The following TNXB variants were observed in gnomAD, a reference collection of about 807,000 sequenced individuals.
TNXB encodes tenascin-X.
TNXB carries 183 observed loss-of-function variants against 340.5 expected under a neutral mutation model. The ratio of observed to expected loss-of-function variants is 0.54; its 90% CI spans 0.48 to 0.61. The LOEUF (loss-of-function observed/expected upper bound fraction) is 0.61. Among genes scored for constraint, TNXB ranks in the 20% least tolerant of loss-of-function variants. TNXB has a pLI of 0.00. For synonymous variants in TNXB, 2,121 were observed against 2,314.5 expected, an observed-to-expected ratio of 0.92 and a Z score of 2.40; for missense variants, 4,613 against 5,446.4, an observed-to-expected ratio of 0.85 and a Z score of 4.82.
chr6:32,069,213 G>A lies in TNXB; in HGVS notation c.5588-77C>T. ...GACTCTCAGGAGGAGTGAGGGAGGA[G>A]AGGGAGTGAGGGCAAGCAGTCAGCA... is the stretch of plus-strand genomic sequence containing the variant. On this transcript the variant is annotated intron_variant, in intron 15 of 43. Transcript: ENST00000644971. The surrounding 1 kb of genome is among the most constrained non-coding windows in gnomAD (Gnocchi z 6.2). 1 of 1,391,460 alleles carries A rather than the reference G, an allele frequency of 7.2e-7. No homozygotes were observed. The highest frequency in any genetic ancestry group is 9.7e-7 in the Non-Finnish European group (1 of 1,033,104). 86.2% of individuals were successfully genotyped at this position (1,391,460 alleles called of 1,614,324 possible).
chr6:32,056,849 A>T lies in TNXB; in HGVS notation c.7880T>A (p.Ile2627Asn). 6.2e-7 allele frequency: 1 copy of T among 1,612,848 alleles called. No homozygotes were observed. The highest frequency in any genetic ancestry group is 8.5e-7 in the Non-Finnish European group (1 of 1,179,772). The stretch of plus-strand genomic sequence containing the variant: ...GGTCAGCTCCCCCAGGCGAGGCTTG[A>T]TGGGGGGCTCAGGGGTCATGGTAGG... ...AVPTMTPEPP[I>N]KPRLGELTMT... is the part of the protein sequence containing the mutation. The change falls in exon 23 of 44, where the codon ATC becomes AAC. Residue 2627 changes from isoleucine (I) to asparagine (N), a missense_variant. Coordinates refer to ENST00000644971, the MANE Select transcript of TNXB (RefSeq NM_001365276.2).
rs9281648 is a variant in TNXB at position 32,067,132 on chromosome 6, G to GAAGAAAGAAAGAAAGAAAGAAAGAAAGA, written c.6544+501_6544+528dup. ...AAGAAAGAGAAAGAAAGAAAGGAAG[G>GAAGAAAGAAAGAAAGAAAGAAAGAAAGA]AAGAAAGAAAGAAAGAAAGAAAGAA... On this transcript the variant is annotated intron_variant, in intron 18 of 43. Coordinates refer to ENST00000644971, the MANE Select transcript of TNXB (RefSeq NM_001365276.2). This position sits in a 1 kb window ranked among gnomAD's most constrained non-coding sequence, Gnocchi z 4.2. 2.9e-4 allele frequency among the ~76,000 whole-genome samples: 34 copies of GAAGAAAGAAAGAAAGAAAGAAAGAAAGA among 118,080 alleles called. No individual in the cohort carries two copies. The highest frequency in any genetic ancestry group is 1.2e-3 in the South Asian group (4 of 3,422). 77.5% of individuals were successfully genotyped at this position (118,080 alleles called of 152,430 possible).
Position 32,068,371 on chromosome 6 carries a change from G to T in TNXB, c.6220+19C>A. On this transcript the variant is annotated intron_variant, in intron 17 of 43. Coordinates refer to ENST00000644971, the MANE Select transcript of TNXB (RefSeq NM_001365276.2). This position sits in a 1 kb window ranked among gnomAD's most constrained non-coding sequence, Gnocchi z 5.3. ...ACCCTCCCATGGCTCCCACCCTGGG[G>T]CTCCCATCATCCACTCACCTGTCAC... 6.2e-7 allele frequency: 1 copy of T among 1,610,972 alleles called. No individual in the cohort carries two copies. Among genetic ancestry groups the T allele is most frequent in the East Asian group, 2.2e-5 (1 of 44,824 alleles).
Position 32,097,925 on chromosome 6 carries a change from CG to C in TNXB, c.273del (p.Glu92SerfsTer12). 2 of 1,590,502 alleles carry C rather than the reference CG, an allele frequency of 1.3e-6. No homozygotes were observed. Among genetic ancestry groups the C allele is most frequent in the Non-Finnish European group, 1.7e-6 (2 of 1,164,638 alleles). ...PSTGCGCPPG[T>X]EPPVLASEVQ... ...ACCTCTGAAGCAAGGACTGGGGGCT[CG>C]GTGCCTGGGGGACAGCCACAGCCAG... On this transcript the variant is annotated frameshift_variant, in exon 2 of 44. Transcript: ENST00000644971. LOFTEE classifies it high-confidence loss of function. The surrounding 1 kb of genome is among the most constrained non-coding windows in gnomAD (Gnocchi z 5.9).
chr6:32,070,052 G>A lies in TNXB; in HGVS notation c.5278+75C>T, dbSNP rs1288095981. On this transcript the variant is annotated intron_variant, in intron 14 of 43. Coordinates refer to ENST00000644971, the MANE Select transcript of TNXB (RefSeq NM_001365276.2). This position sits in a 1 kb window ranked among gnomAD's most constrained non-coding sequence, Gnocchi z 6.0. ...TGGCTGGGGCCAAATAATGGTAATG[G>A]CAGCCACCACAAGTGACCGTCTGCT... 1.4e-6 allele frequency: 2 copies of A among 1,455,212 alleles called. No homozygotes were observed. The highest frequency in any genetic ancestry group is 2.6e-5 in the Admixed American group (1 of 39,192). The allele number at this position is 1,455,212 out of a possible 1,614,324, so 90.1% of individuals were successfully genotyped here. A position where few individuals can be genotyped will look rare whatever the true frequency, so the allele number is the denominator to read the frequency against.
Position 32,082,658 on chromosome 6 carries a change from T to A in TNXB, c.3446-332A>T, listed in dbSNP as rs1204495423. On this transcript the variant is annotated intron_variant, in intron 8 of 43. Transcript: ENST00000644971. This position sits in a 1 kb window ranked among gnomAD's most constrained non-coding sequence, Gnocchi z 5.0. ...GGGAGCCCAGCCAGGCCCTTTCACA[T>A]CTCCATAGCCAGGGAAATCTTCCCA... Among the ~76,000 whole-genome samples the A allele has an allele frequency of 6.6e-6, 1 of 152,090 alleles. No homozygotes were observed. The highest frequency in any genetic ancestry group is 2.4e-5 in the African/African-American group (1 of 41,402).
At position 32,062,288 on chromosome 6, in the gene TNXB, G is replaced by C. The variant is rs1484473041; in HGVS notation, c.7037C>G (p.Ala2346Gly). Residue 2346 changes from alanine to glycine, a missense_variant, in exon 20 of 44, where the codon GCA (alanine) becomes GGA (glycine). Physicochemically the swap from Ala to Gly is moderately conservative, Grantham distance 60. Coordinates refer to ENST00000644971, the MANE Select transcript of TNXB (RefSeq NM_001365276.2). This position sits in a 1 kb window ranked among gnomAD's most constrained non-coding sequence, Gnocchi z 4.3. ...QYKNGDGQPK[A>G]TRVPGHEDRV... ...GTCCTCATGTCCTGGCACCCGTGTT[G>C]CCTTGGGCTGCCCATCCCCATTCTT... The C allele has an allele frequency of 6.2e-7, 1 of 1,613,298 alleles. No individual in the cohort carries two copies. Among genetic ancestry groups the C allele is most frequent in the Non-Finnish European group, 8.5e-7 (1 of 1,179,856 alleles).
Position 32,098,210 on chromosome 6 carries a change from C to T in TNXB, c.-8-4G>A. 1.3e-6 allele frequency: 2 copies of T among 1,489,344 alleles called. No homozygotes were observed. Among genetic ancestry groups the T allele is most frequent in the Non-Finnish European group, 9.0e-7 (1 of 1,116,438 alleles). 92.3% of individuals were successfully genotyped at this position (1,489,344 alleles called of 1,614,324 possible). ...TGGGCTGGCATCATTCAGGAGGCTG[C>T]AGGGAGAAAGGGTAGGTATGAGAGC... On this transcript the variant is annotated splice_polypyrimidine_tract_variant and splice_region_variant and intron_variant, in intron 1 of 43. Transcript: ENST00000644971.
intron 4 of TNXB, among the ~76,000 whole-genome samples, chr6:32,091,557 A>T (rs1582464207): frequency 4.0e-5 from 6 of 148,874 alleles, no homozygotes; most frequent in Admixed American, 4.0e-4. Context: ...AGCTCACTAC[A>T]ACCTCCGCCT....
chr6:32,061,627 C>G lies in TNXB; in HGVS notation c.7262G>C (p.Gly2421Ala). ...EPLLGELTVT[G>A]SSPDSLSLSW... ...GAGGCTCAGCGAGTCAGGGGAGGATCCTGTCACTGTTAGCTCCCCCAGGAG... is the reference window on the plus strand; with the variant it reads ...GAGGCTCAGCGAGTCAGGGGAGGATGCTGTCACTGTTAGCTCCCCCAGGAG... The change falls in exon 21 of 44, where the codon GGA (glycine) becomes GCA (alanine). Residue 2421 changes from glycine to alanine, a missense_variant. Coordinates refer to ENST00000644971, the MANE Select transcript of TNXB (RefSeq NM_001365276.2). The surrounding 1 kb of genome is among the most constrained non-coding windows in gnomAD (Gnocchi z 4.4). The G allele has an allele frequency of 1.2e-6, 2 of 1,612,764 alleles. No individual in the cohort carries two copies. The highest frequency in any genetic ancestry group is 2.2e-5 in the South Asian group (2 of 91,068).
At chr6:32,057,302 G>T (rs1777725875) in intron 22 of TNXB, among the ~76,000 whole-genome samples, 1 of 152,170 alleles carries the variant, frequency 6.6e-6, no homozygotes, top group Non-Finnish European at 1.5e-5. Context: ...CCTGGGGTGT[G>T]TTCCTGGATC....
chr6:32,083,728 T>C lies in TNXB; in HGVS notation c.3445+685A>G, dbSNP rs1779609085. 6.6e-6 allele frequency among the ~76,000 whole-genome samples: 1 copy of C among 152,134 alleles called. No individual in the cohort carries two copies. On this transcript the variant is annotated intron_variant, in intron 8 of 43. Coordinates refer to ENST00000644971, the MANE Select transcript of TNXB (RefSeq NM_001365276.2). This position sits in a 1 kb window ranked among gnomAD's most constrained non-coding sequence, Gnocchi z 4.6. ...AGGCTGGAGTACAGTGGCACAATCA[T>C]GGCTCTCTGCAGCCTCGGTCTCCTG...
Position 32,071,991 on chromosome 6 carries a change from C to T in TNXB, c.4989G>A (p.Thr1663=), listed in dbSNP as rs745926021. The T allele has an allele frequency of 5.0e-6, 8 of 1,592,954 alleles. No homozygotes were observed. The highest frequency in any genetic ancestry group is 2.3e-5 in the South Asian group (2 of 87,738). ...RRSPVSVEAK[T]VARGDASPGA... ...CAGCTGTGTAGGGGCCCATCTCACC[C>T]GTCTTTGCCTCCACAGAGACTGGGC... Residue 1663 remains threonine (T), a splice_region_variant and synonymous_variant, in exon 13 of 44, where the codon ACG becomes ACA. Transcript: ENST00000644971.
chr6:32,106,462 G>A (rs993901125), intron 1 of TNXB, among the ~76,000 whole-genome samples: 34 of 152,054 alleles, frequency 2.2e-4, no homozygotes, highest in African/African-American at 8.2e-4. Context: ...AGTGGGGGAT[G>A]TGTCACTGGT....
intron 21 of TNXB, among the ~76,000 whole-genome samples, chr6:32,060,422 T>C (rs1387662039): frequency 5.4e-5 from 8 of 147,408 alleles, no homozygotes. Context: ...GAAGACATTA[T>C]ATATTTTCTC....
In TNXB at chr6:32,079,316, CG is replaced by C; in HGVS notation, c.4091del (p.Thr1364ArgfsTer15). On this transcript the variant is annotated frameshift_variant, in exon 11 of 44. Transcript: ENST00000644971. LOFTEE classifies it high-confidence loss of function. This position sits in a 1 kb window ranked among gnomAD's most constrained non-coding sequence, Gnocchi z 7.1. ...DETPSPTELG[T>X]EAPESPEEPL... ...GCTCCTCGGGGGACTCCGGGGCCTCCGTGCCCAGTTCTGTGGGGCTGGGGGT... is the reference window on the plus strand; with the variant it reads ...GCTCCTCGGGGGACTCCGGGGCCTCCTGCCCAGTTCTGTGGGGCTGGGGGT... 1 of 1,612,638 alleles carries C rather than the reference CG, an allele frequency of 6.2e-7. No homozygotes were observed. Among genetic ancestry groups the C allele is most frequent in the Non-Finnish European group, 8.5e-7 (1 of 1,179,710 alleles).
chr6:32,097,988 C>A lies in TNXB; in HGVS notation c.211G>T (p.Val71Leu), dbSNP rs201922477. ...EHTVEGGEKQVVFTHRINLPP... is the reference protein window; with the variant it reads ...EHTVEGGEKQLVFTHRINLPP... ...AGGTTAATGCGGTGGGTGAATACCA[C>A]CTGCTTCTCCCCTCCTTCCACTGTG... Residue 71 changes from valine to leucine, a missense_variant, in exon 2 of 44, where the codon GTG becomes TTG. Transcript: ENST00000644971. This position sits in a 1 kb window ranked among gnomAD's most constrained non-coding sequence, Gnocchi z 5.9. 3.0e-4 allele frequency: 481 copies of A among 1,607,206 alleles called. 1 individual carries two copies. The highest frequency in any genetic ancestry group is 3.7e-4 in the Non-Finnish European group (430 of 1,178,076).
At chr6:32,101,153 G>A (rs1345296303) in intron 1 of TNXB, among the ~76,000 whole-genome samples, 1 of 144,838 alleles carries the variant, frequency 6.9e-6, no homozygotes, top group African/African-American at 2.5e-5. Flanking sequence ...TTTTTAAATT[G>A]TCAAAAGACA....
In TNXB at chr6:32,063,404, G is replaced by GA. The variant is rs529135591; in HGVS notation, c.6842-922dup. ...GAGTGAGACTCCATCTCAACATAAA[G>GA]AAAAAAAAAAAAAAGAAAACAAAGA... On this transcript the variant is annotated intron_variant, in intron 19 of 43. Transcript: ENST00000644971. Among the ~76,000 whole-genome samples, 663 of 110,832 alleles carry GA rather than the reference G, an allele frequency of 6.0e-3. 11 individuals are homozygous for GA. In the East Asian group the frequency reaches 0.071, roughly 12 times the overall value. 72.7% of individuals were successfully genotyped at this position (110,832 alleles called of 152,430 possible).
Sources: gnomAD v4.1 joint callset for allele counts (sites outside exome capture counted in the v4.1 genomes callset) on GRCh38, gnomAD v4.1.1 for gene constraint, Gnocchi (gnomAD v3.1) non-coding constraint, MANE v1.5 for transcripts, NCBI Gene and HGNC (gene_info 2026-07-23, HGNC 2026-07-21) for gene names.